Variants in TRERF1 observed in about 807,000 individuals in gnomAD.
The protein encoded by TRERF1 is transcriptional-regulating factor 1.
In TRERF1, 27 loss-of-function variants were observed where a neutral mutation model predicts 122.9. That is an observed-to-expected ratio of 0.22 (90% CI 0.16 to 0.30). The LOEUF (loss-of-function observed/expected upper bound fraction) is 0.30, where lower values mean the gene tolerates loss of function less well. Ranked by LOEUF, TRERF1 falls within the 10% of genes least tolerant of loss-of-function variation. TRERF1 has a pLI of 1.00. For missense variants in TRERF1, 1,248 were observed against 1,560.3 expected, an observed-to-expected ratio of 0.80 and a Z score of 3.37; for synonymous variants, 636 against 641.7, an observed-to-expected ratio of 0.99 and a Z score of 0.13.
chr6:42,433,535 T>C (rs1020895929), intron 2 of TRERF1, among the ~76,000 whole-genome samples: 1 of 152,174 alleles, frequency 6.6e-6, no homozygotes, highest in Non-Finnish European at 1.5e-5. Context: ...TGTACCATTG[T>C]ACAGGTAAGG....
intron 2 of TRERF1, among the ~76,000 whole-genome samples, chr6:42,378,581 C>G (rs978285732): frequency 6.6e-6 from 1 of 152,094 alleles, no homozygotes. Context: ...CTAGAAGGGA[C>G]CTTGGGAACA....
chr6:42,390,602 G>A (rs184444071), intron 2 of TRERF1, among the ~76,000 whole-genome samples: 46 of 152,264 alleles, frequency 3.0e-4, no homozygotes, highest in Non-Finnish European at 4.4e-4. Flanking sequence ...GGAGGCCGTC[G>A]GAGAGACCAG....
chr6:42,268,297 C>T lies in TRERF1; in HGVS notation c.1294G>A (p.Gly432Arg). ...TCTGAGCTCGCTGGGTCTCCCATTC[C>T]TGTGTCAGGAGGCCCCAGGTCCCCA... Residue 432 changes from glycine to arginine, a missense_variant, in exon 5 of 18, where the codon GGA (glycine) becomes AGA (arginine). By Grantham distance (125) the Gly-to-Arg change is moderately radical (BLOSUM62 -2). This residue lies in a region of TRERF1 where 946 missense variants were observed against 1,073.0 expected (regional missense o/e 0.88). Transcript: ENST00000372922. This position sits in a 1 kb window ranked among gnomAD's most constrained non-coding sequence, Gnocchi z 4.4. 1 of 1,514,102 alleles carries T rather than the reference C, an allele frequency of 6.6e-7. No homozygotes were observed. The allele number at this position is 1,514,102 out of a possible 1,614,324, so 93.8% of individuals were successfully genotyped here. A position where few individuals can be genotyped will look rare whatever the true frequency, so the allele number is the denominator to read the frequency against.
chr6:42,319,328 A>G (rs1262122513), intron 3 of TRERF1, among the ~76,000 whole-genome samples: 1 of 152,230 alleles, frequency 6.6e-6, no homozygotes, highest in Non-Finnish European at 1.5e-5. Context: ...CATGCTCCAG[A>G]GTATAGCAGA....
At chr6:42,385,679 CA>C (rs1776681985) in intron 2 of TRERF1, among the ~76,000 whole-genome samples, 1 of 152,282 alleles carries the variant, frequency 6.6e-6, no homozygotes, top group East Asian at 1.9e-4. Context: ...GCATATTACT[CA>C]AAGGCACCAC....
At chr6:42,342,364 A>G (rs1217057049) in intron 3 of TRERF1, among the ~76,000 whole-genome samples, 1 of 152,120 alleles carries the variant, frequency 6.6e-6, no homozygotes, top group Non-Finnish European at 1.5e-5. Flanking sequence ...TCACCACTGG[A>G]CAATCTCCAC....
chr6:42,365,064 A>G (rs1772479797), intron 2 of TRERF1, among the ~76,000 whole-genome samples: 1 of 152,156 alleles, frequency 6.6e-6, no homozygotes, highest in South Asian at 2.1e-4. Flanking sequence ...CCGTGGAGTA[A>G]TATTTTCAGT....
chr6:42,402,984 A>C (rs951398016), intron 2 of TRERF1, among the ~76,000 whole-genome samples: 1 of 152,110 alleles, frequency 6.6e-6, no homozygotes, highest in African/African-American at 2.4e-5. Context: ...GTTGCTGACA[A>C]AGAGAGAGGA....
chr6:42,231,716 T>C (rs1294863891), intron 17 of TRERF1, among the ~76,000 whole-genome samples: 1 of 152,214 alleles, frequency 6.6e-6, no homozygotes, highest in Non-Finnish European at 1.5e-5. Context: ...TACTGGAGGC[T>C]GTGGGAGGGA....
intron 3 of TRERF1, among the ~76,000 whole-genome samples, chr6:42,362,025 C>T (rs1771867813): frequency 6.6e-6 from 1 of 152,156 alleles, no homozygotes; most frequent in Non-Finnish European, 1.5e-5. Flanking sequence ...ACAGCCAGTC[C>T]CTCCCTCTTC....
Position 42,254,943 on chromosome 6 carries a change from G to A in TRERF1, c.2581-17C>T, listed in dbSNP as rs781741127. On this transcript the variant is annotated splice_polypyrimidine_tract_variant and intron_variant, in intron 12 of 17. Transcript: ENST00000372922. ...CAGAGCAACCTGCAGACCCAAAGGAGAGAAAAGGCAAGAGTCAGCAACTGG... is the reference window on the plus strand; with the variant it reads ...CAGAGCAACCTGCAGACCCAAAGGAAAGAAAAGGCAAGAGTCAGCAACTGG... 6 of 1,613,744 alleles carry A rather than the reference G, an allele frequency of 3.7e-6. No individual in the cohort carries two copies. In the East Asian group the frequency reaches 6.7e-5, roughly 18 times the overall value.
chr6:42,445,538 T>C (rs886597783), intron 2 of TRERF1, among the ~76,000 whole-genome samples: 4 of 152,114 alleles, frequency 2.6e-5, no homozygotes, highest in Admixed American at 1.3e-4. Context: ...ATTACCCTAC[T>C]TGACATCTCC....
chr6:42,364,092 T>C (rs754505261), intron 2 of TRERF1, among the ~76,000 whole-genome samples: 4 of 152,236 alleles, frequency 2.6e-5, no homozygotes, highest in Non-Finnish European at 5.9e-5. Flanking sequence ...CCACATGACT[T>C]GGCTGGGCCT....
At chr6:42,377,422 T>G (rs1371740138) in intron 2 of TRERF1, among the ~76,000 whole-genome samples, 2 of 152,228 alleles carry the variant, frequency 1.3e-5, no homozygotes, top group Admixed American at 1.3e-4. Flanking sequence ...GTACACCATA[T>G]GGCCTTTTGT....
In TRERF1 at chr6:42,269,445, T is replaced by G; in HGVS notation, c.146A>C (p.Gln49Pro). Residue 49 changes from glutamine to proline, a missense_variant, in exon 5 of 18, where the codon CAG becomes CCG. By Grantham distance (76) the Gln-to-Pro change is moderately conservative (BLOSUM62 -1). Transcript: ENST00000372922. This position sits in a 1 kb window ranked among gnomAD's most constrained non-coding sequence, Gnocchi z 4.9. ...GAAGTGGGGGGAGATTGGCGAGGCC[T>G]GAGGGGCATCCATTCCGCCCCCTGT... 1 of 1,614,178 alleles carries G rather than the reference T, an allele frequency of 6.2e-7. No homozygotes were observed. Among genetic ancestry groups the G allele is most frequent in the Non-Finnish European group, 8.5e-7 (1 of 1,180,034 alleles).
At chr6:42,278,659 G>C (rs1017082993) in intron 4 of TRERF1, among the ~76,000 whole-genome samples, 3 of 152,200 alleles carry the variant, frequency 2.0e-5, no homozygotes, top group African/African-American at 7.2e-5. Context: ...CCTGGTGGCG[G>C]TGAGGTTGAC....
intron 2 of TRERF1, among the ~76,000 whole-genome samples, chr6:42,419,476 C>T (rs190734447): frequency 6.6e-6 from 1 of 152,200 alleles, no homozygotes; most frequent in East Asian, 1.9e-4. Context: ...CAAAATTAAC[C>T]CTCCTACCCA....
chr6:42,391,325 G>C (rs1341782212), intron 2 of TRERF1, among the ~76,000 whole-genome samples: 1 of 152,180 alleles, frequency 6.6e-6, no homozygotes, highest in Non-Finnish European at 1.5e-5. Flanking sequence ...ATGTTTTGGG[G>C]GTTAGAGTAG....
chr6:42,451,624 C>T (rs142727323), intron 1 of TRERF1, among the ~76,000 whole-genome samples, 50 bp downstream of exon 1: 3,344 of 140,310 alleles, frequency 0.024, 140 homozygotes, highest in African/African-American at 0.085. Flanking sequence ...TATATACATG[C>T]ACCCCTCCCT....
Sources: allele counts gnomAD v4.1 joint callset (sites outside exome capture counted in the v4.1 genomes callset), GRCh38; gene constraint gnomAD v4.1.1; regional missense constraint gnomAD v4.1.1; non-coding constraint Gnocchi (gnomAD v3.1); transcripts MANE v1.5; gene names NCBI Gene and HGNC (gene_info 2026-07-23, HGNC 2026-07-21).